The following ARHGEF3 variants were observed in gnomAD, a reference collection of about 807,000 sequenced individuals.
The protein encoded by ARHGEF3 is Rho guanine nucleotide exchange factor 3.
A neutral mutation model predicts 63.2 loss-of-function variants in ARHGEF3; 28 were observed. The ratio of observed to expected loss-of-function variants is 0.44; its 90% CI spans 0.33 to 0.61. ARHGEF3 has a LOEUF of 0.61. Ranked by LOEUF, ARHGEF3 falls within the 20% of genes least tolerant of loss-of-function variation. The pLI is 0.03. For missense variants in ARHGEF3, 533 were observed against 659.3 expected, an observed-to-expected ratio of 0.81 and a Z score of 2.10; for synonymous variants, 266 against 254.2, an observed-to-expected ratio of 1.05 and a Z score of -0.44.
At chr3:56,928,065 G>A (rs1270373761) in intron 3 of ARHGEF3, among the ~76,000 whole-genome samples, 1 of 152,144 alleles carries the variant, frequency 6.6e-6, no homozygotes, top group African/African-American at 2.4e-5. Context: ...GACACATGCA[G>A]CATGAGAAGG....
chr3:56,882,139 T>C (rs1056366893), intron 4 of ARHGEF3, among the ~76,000 whole-genome samples: 1 of 152,196 alleles, frequency 6.6e-6, no homozygotes, highest in Non-Finnish European at 1.5e-5. Flanking sequence ...TGAAATAAAA[T>C]GTTTTTCAGT....
chr3:56,927,681 T>G (rs930832739), intron 3 of ARHGEF3, among the ~76,000 whole-genome samples: 39 of 152,250 alleles, frequency 2.6e-4, no homozygotes, highest in African/African-American at 9.4e-4. Flanking sequence ...ATACCTACCA[T>G]GGACCACAGA....
At chr3:56,923,632 G>A (rs1002791413) in intron 3 of ARHGEF3, among the ~76,000 whole-genome samples, 2 of 151,964 alleles carry the variant, frequency 1.3e-5, no homozygotes, top group Non-Finnish European at 1.5e-5. Flanking sequence ...TGAAATCCCT[G>A]TATCCATCTA....
chr3:56,770,706 C>A (rs1359661487), intron 2 of ARHGEF3, among the ~76,000 whole-genome samples: 1 of 152,162 alleles, frequency 6.6e-6, no homozygotes, highest in Non-Finnish European at 1.5e-5. Flanking sequence ...AGGACACTCT[C>A]AAACATAAGC....
intron 1 of ARHGEF3, among the ~76,000 whole-genome samples, chr3:57,054,689 G>A (rs2107317598): frequency 6.8e-6 from 1 of 147,872 alleles, no homozygotes; most frequent in East Asian, 2.1e-4. Context: ...CTGTCACCAG[G>A]CTGGAGTGCA....
At chr3:57,044,670 T>C (rs572023572) in intron 1 of ARHGEF3, among the ~76,000 whole-genome samples, 5 of 152,268 alleles carry the variant, frequency 3.3e-5, no homozygotes, top group African/African-American at 9.6e-5. Context: ...ATGGTCTCCA[T>C]CACATGTTCA....
intron 7 of ARHGEF3, 68 bp downstream of exon 7, chr3:56,745,137 C>T: frequency 2.6e-6 from 4 of 1,553,148 alleles, no homozygotes; most frequent in Admixed American, 1.8e-5. Flanking sequence ...CATTCACCCA[C>T]TGACCCAATC....
At chr3:56,921,583 T>C (rs984764473) in intron 3 of ARHGEF3, among the ~76,000 whole-genome samples, 1 of 152,210 alleles carries the variant, frequency 6.6e-6, no homozygotes. Flanking sequence ...GGAAGGGTGG[T>C]TAATCCAAGT....
intron 2 of ARHGEF3, among the ~76,000 whole-genome samples, chr3:56,973,022 T>G (rs1452541830): frequency 6.1e-5 from 8 of 130,698 alleles, no homozygotes; most frequent in African/African-American, 2.8e-4. Flanking sequence ...AGTTTTTTTG[T>G]TTTTTTTTTT....
chr3:56,925,731 G>A (rs2042257395), intron 3 of ARHGEF3, among the ~76,000 whole-genome samples: 1 of 152,186 alleles, frequency 6.6e-6, no homozygotes, highest in Admixed American at 6.5e-5. Flanking sequence ...ATGGAATAAG[G>A]ACTGGAGTCT....
At chr3:56,775,052 A>C in intron 1 of ARHGEF3, 5 of 1,551,440 alleles carry the variant, frequency 3.2e-6, no homozygotes, top group Non-Finnish European at 4.4e-6. Context: ...ACAGCACATG[A>C]AGATACCAAA....
intron 7 of ARHGEF3, among the ~76,000 whole-genome samples, chr3:56,742,474 C>T (rs910072783): frequency 3.9e-5 from 6 of 152,154 alleles, no homozygotes; most frequent in East Asian, 1.9e-4. Flanking sequence ...TCTCTTGGAA[C>T]GGAAGCAATT....
intron 4 of ARHGEF3, among the ~76,000 whole-genome samples, chr3:56,824,984 A>G (rs139125555): frequency 1.3e-5 from 2 of 152,340 alleles, no homozygotes; most frequent in Non-Finnish European, 2.9e-5. Flanking sequence ...GACACAAGCC[A>G]GTTAATTATG....
At chr3:56,880,026 G>C (rs1500709) in intron 4 of ARHGEF3, among the ~76,000 whole-genome samples, 80,259 of 152,030 alleles carry the variant, frequency 0.53, 22,420 homozygotes, top group East Asian at 0.62. Context: ...CCATATGACT[G>C]TAATGGTCAG....
intron 2 of ARHGEF3, among the ~76,000 whole-genome samples, chr3:56,759,563 G>T (rs1193666299): frequency 2.0e-5 from 3 of 152,080 alleles, no homozygotes; most frequent in Non-Finnish European, 4.4e-5. Flanking sequence ...GATGGGTCTT[G>T]CTCTGTTGCC....
At chr3:57,009,603 G>A (rs993827591) in intron 2 of ARHGEF3, among the ~76,000 whole-genome samples, 3 of 152,164 alleles carry the variant, frequency 2.0e-5, no homozygotes, top group African/African-American at 7.2e-5. Flanking sequence ...TGCTGGAGGA[G>A]ATTAAACAAA....
chr3:57,037,909 A>T (rs962123399), intron 1 of ARHGEF3, among the ~76,000 whole-genome samples: 21 of 152,106 alleles, frequency 1.4e-4, no homozygotes, highest in African/African-American at 4.8e-4. Context: ...AACAAAACCC[A>T]TCACCCTTCA....
chr3:56,728,847 C>G lies in ARHGEF3; in HGVS notation c.*423G>C, dbSNP rs1176246435. ...AATACACAGATGAGTTCCTCATGCCCTATTTACAAGGCCGTCTAAATTCCG... is the reference window on the plus strand; with the variant it reads ...AATACACAGATGAGTTCCTCATGCCGTATTTACAAGGCCGTCTAAATTCCG... On this transcript the variant is annotated 3_prime_UTR_variant, in exon 10 of 10. Coordinates refer to ENST00000296315, the MANE Select transcript of ARHGEF3 (RefSeq NM_019555.3). The G allele has an allele frequency of 5.7e-6, 1 of 175,980 alleles. No homozygotes were observed. The highest frequency in any genetic ancestry group is 1.2e-5 in the Non-Finnish European group (1 of 81,186). The allele number at this position is 175,980 out of a possible 1,614,324, so 10.9% of individuals were successfully genotyped here.
rs886437521 is a variant in ARHGEF3 at position 56,842,083 on chromosome 3, G to A, written c.192+40209C>T. Among the ~76,000 whole-genome samples, 7 of 152,054 alleles carry A rather than the reference G, an allele frequency of 4.6e-5. No homozygotes were observed. The South Asian group carries it at 1.2e-3, about 27-fold the overall frequency. Reference sequence around the variant, plus strand: ...GTCCACCCTGAGATGAGAAAATGAAGGCTAAGAAGGTTAAGTTCTCGGTTA... The same window carrying A: ...GTCCACCCTGAGATGAGAAAATGAAAGCTAAGAAGGTTAAGTTCTCGGTTA... On this transcript the variant is annotated intron_variant, in intron 4 of 12. Transcript: ENST00000338458.
Sources: gnomAD v4.1 joint callset for allele counts (sites outside exome capture counted in the v4.1 genomes callset) on GRCh38, gnomAD v4.1.1 for gene constraint, MANE v1.5 for transcripts, NCBI Gene and HGNC (gene_info 2026-07-23, HGNC 2026-07-21) for gene names.